Variants in LEMD3 observed in about 807,000 individuals in gnomAD.
LEMD3 encodes LEM domain containing 3, also known as inner nuclear membrane protein Man1.
Under a neutral mutation model 95.2 loss-of-function variants are expected in LEMD3, and 33 were observed. That is an observed-to-expected ratio of 0.35 (90% confidence interval 0.26 to 0.46). LEMD3 has a LOEUF of 0.46. Among genes scored for constraint, LEMD3 ranks in the 20% least tolerant of loss-of-function variants. LEMD3 has a pLI of 1.00. For missense variants in LEMD3, 1,210 were observed against 1,192.8 expected (o/e 1.01, Z -0.21); for synonymous variants, 525 against 474.6 (o/e 1.11, Z -1.38).
intron 3 of LEMD3, among the ~76,000 whole-genome samples, chr12:65,217,118 A>C (rs1487657947): frequency 6.6e-6 from 1 of 152,156 alleles, no homozygotes; most frequent in African/African-American, 2.4e-5. Flanking sequence ...ATGTGCTTTT[A>C]AAGATACAGA....
Position 65,171,008 on chromosome 12 carries a change from A to G in LEMD3, c.1412A>G (p.His471Arg). 6.2e-7 allele frequency: 1 copy of G among 1,614,228 alleles called. No homozygotes were observed. The highest frequency in any genetic ancestry group is 2.2e-5 in the East Asian group (1 of 44,878). Residue 471 changes from histidine to arginine, a missense_variant, in exon 1 of 13, where the codon CAC becomes CGC. Physicochemically the swap from His to Arg is conservative, Grantham distance 29. This residue lies in a region of LEMD3 where 461 missense variants were observed against 569.8 expected (regional missense o/e 0.81). Coordinates refer to ENST00000308330, the MANE Select transcript of LEMD3 (RefSeq NM_014319.5). The part of the protein sequence containing the change: ...EVSPTGSFSA[H>R]YLSMFLLTAA... ...TCCCCAACAGGGAGTTTCAGTGCCC[A>G]CTACTTGTCGATGTTTCTCTTAACT... is the stretch of plus-strand genomic sequence containing the variant.
chr12:65,228,032 G>C (rs1466874710), intron 4 of LEMD3, among the ~76,000 whole-genome samples: 1 of 152,140 alleles, frequency 6.6e-6, no homozygotes, highest in African/African-American at 2.4e-5. Context: ...TGAAGAAATG[G>C]GATAGGGACT....
chr12:65,171,248 G>A, intron 1 of LEMD3, 130 bp downstream of exon 1: 3 of 1,476,292 alleles, frequency 2.0e-6, no homozygotes. Context: ...ACGCAACAGT[G>A]CGTGCATGTG....
chr12:65,203,255 T>C (rs1869658915), intron 1 of LEMD3, among the ~76,000 whole-genome samples: 1 of 148,400 alleles, frequency 6.7e-6, no homozygotes. Context: ...TATGAATAAC[T>C]CCCACATGCT....
chr12:65,219,167 A>G (rs913269771), intron 4 of LEMD3, among the ~76,000 whole-genome samples: 1 of 152,224 alleles, frequency 6.6e-6, no homozygotes, highest in Non-Finnish European at 1.5e-5. Context: ...AACATTGGTC[A>G]TAGGGAAATT....
Position 65,229,783 on chromosome 12 carries a change from A to G in LEMD3, c.1696-8719A>G, listed in dbSNP as rs143984646. On this transcript the variant is annotated intron_variant, in intron 4 of 12. Transcript: ENST00000308330. Reference sequence around the variant, plus strand: ...ATAGTTTGCAAATGTCCCCCATTCTACTAGTCATCTCTTCACTCTGTTGCT... The same window carrying G: ...ATAGTTTGCAAATGTCCCCCATTCTGCTAGTCATCTCTTCACTCTGTTGCT... Among the ~76,000 whole-genome samples the G allele has an allele frequency of 9.2e-5, 14 of 152,260 alleles. No homozygotes were observed. The East Asian group carries it at 2.7e-3, about 29-fold the overall frequency.
At chr12:65,243,143 A>C (rs1870985120) in intron 9 of LEMD3, among the ~76,000 whole-genome samples, 1 of 150,792 alleles carries the variant, frequency 6.6e-6, no homozygotes, top group Admixed American at 6.6e-5. Flanking sequence ...AGCTTTTTGT[A>C]CTTTTTTTTT....
Position 65,246,575 on chromosome 12 carries a change from A to G in LEMD3, c.*250A>G, listed in dbSNP as rs572184079. On this transcript the variant is annotated 3_prime_UTR_variant, in exon 13 of 13. Transcript: ENST00000308330. ...ATACATTTAAAGTTTTGCATGAGGAACACTGACTTTATTAAGCATTTTCAG... is the reference window on the plus strand; with the variant it reads ...ATACATTTAAAGTTTTGCATGAGGAGCACTGACTTTATTAAGCATTTTCAG... The G allele has an allele frequency of 6.6e-6, 3 of 456,758 alleles. No individual in the cohort carries two copies. In the East Asian group the frequency reaches 1.2e-4, roughly 19 times the overall value. 28.3% of individuals were successfully genotyped at this position (456,758 alleles called of 1,614,324 possible). A position where few individuals can be genotyped will look rare whatever the true frequency, so the allele number is the denominator to read the frequency against.
chr12:65,187,895 T>C (rs1398104936), intron 1 of LEMD3, among the ~76,000 whole-genome samples: 1 of 152,176 alleles, frequency 6.6e-6, no homozygotes, highest in Non-Finnish European at 1.5e-5. Context: ...ACTCAATAAA[T>C]ATTTGTTGAA....
chr12:65,225,755 T>G (rs1357924460), intron 4 of LEMD3, among the ~76,000 whole-genome samples: 1 of 152,190 alleles, frequency 6.6e-6, no homozygotes, highest in African/African-American at 2.4e-5. Flanking sequence ...TAATTTTTTG[T>G]ATTTTTAGGA....
intron 4 of LEMD3, 69 bp from the exon 5 acceptor site, chr12:65,238,433 A>T (rs1370064997): frequency 1.1e-6 from 1 of 937,988 alleles, no homozygotes; most frequent in Non-Finnish European, 1.7e-6. Context: ...AGAGTGTGTT[A>T]TAAAGGATAC....
chr12:65,244,287 C>A (rs943712890), intron 10 of LEMD3, among the ~76,000 whole-genome samples: 32 of 145,060 alleles, frequency 2.2e-4, no homozygotes, highest in African/African-American at 5.0e-4. Context: ...ACACACACAC[C>A]CCCCCCACAC....
chr12:65,226,237 T>C (rs1242936596), intron 4 of LEMD3, among the ~76,000 whole-genome samples: 1 of 152,214 alleles, frequency 6.6e-6, no homozygotes, highest in East Asian at 1.9e-4. Context: ...GTTTTCCTTC[T>C]GAGGAGGAAG....
At position 65,241,032 on chromosome 12, in the gene LEMD3, T is replaced by G. The variant is rs754173455; in HGVS notation, c.2250T>G (p.Pro750=). 6.2e-7 allele frequency: 1 copy of G among 1,614,038 alleles called. No homozygotes were observed. Among genetic ancestry groups the G allele is most frequent in the South Asian group, 1.1e-5 (1 of 91,080 alleles). ...ADFLVWRWIQ[P]SASCDKILVI... is the part of the protein sequence containing the mutation. The stretch of plus-strand genomic sequence containing the variant: ...TTCTGGTTTGGCGGTGGATCCAGCC[T>G]TCTGCATCCTGTGACAAAATATTAG... The change falls in exon 9 of 13, where the codon CCT becomes CCG. Residue 750 remains proline, a synonymous_variant. Transcript: ENST00000308330.
chr12:65,188,014 A>G (rs746542165), intron 1 of LEMD3, among the ~76,000 whole-genome samples: 7 of 152,160 alleles, frequency 4.6e-5, no homozygotes, highest in Admixed American at 2.6e-4. Context: ...TTAAGGATCA[A>G]TCTTACTGAC....
Position 65,218,587 on chromosome 12 carries a change from C to T in LEMD3, c.1663C>T (p.Leu555Phe), listed in dbSNP as rs765794322. 1 of 1,606,676 alleles carries T rather than the reference C, an allele frequency of 6.2e-7. No homozygotes were observed. Among genetic ancestry groups the T allele is most frequent in the Admixed American group, 1.7e-5 (1 of 59,918 alleles). ...HECGSSSQRT[L>F]SVQEAAAYLK... is the part of the protein sequence containing the mutation. ...ATGTGGCAGTTCTAGTCAAAGAACG[C>T]TTTCTGTTCAAGAGGCAGCTGCGTA... Residue 555 changes from leucine to phenylalanine, a missense_variant, in exon 4 of 13, where the codon CTT becomes TTT. By Grantham distance (22) the Leu-to-Phe change is conservative. Coordinates refer to ENST00000308330, the MANE Select transcript of LEMD3 (RefSeq NM_014319.5).
chr12:65,220,795 AGTTTT>A (rs1870261594), intron 4 of LEMD3, among the ~76,000 whole-genome samples: 1 of 152,328 alleles, frequency 6.6e-6, no homozygotes, highest in East Asian at 1.9e-4. Flanking sequence ...GTGGAAATCC[AGTTTT>A]CCTAGCACCA....
chr12:65,193,892 T>C (rs117659775), intron 1 of LEMD3, among the ~76,000 whole-genome samples: 184 of 152,184 alleles, frequency 1.2e-3, no homozygotes, highest in African/African-American at 3.3e-3. Flanking sequence ...GTTGAACCCA[T>C]AGTTCTATAA....
chr12:65,182,920 T>C (rs1048755051), intron 1 of LEMD3, among the ~76,000 whole-genome samples: 1 of 152,188 alleles, frequency 6.6e-6, no homozygotes, highest in African/African-American at 2.4e-5. Context: ...AGTACTGTTA[T>C]TATCAAAGTG....
Sources: allele counts gnomAD v4.1 joint callset (sites outside exome capture counted in the v4.1 genomes callset), GRCh38; gene constraint gnomAD v4.1.1; regional missense constraint gnomAD v4.1.1; transcripts MANE v1.5; gene names NCBI Gene and HGNC (gene_info 2026-07-23, HGNC 2026-07-21).